PRMT8: variants seen among roughly 807,000 people sequenced by gnomAD.
PRMT8 encodes protein arginine N-methyltransferase 8.
PRMT8 carries 7 observed loss-of-function variants against 47.1 expected under a neutral mutation model. That is an observed-to-expected ratio of 0.15 (90% CI 0.08 to 0.28). The LOEUF is 0.28. Ranked by LOEUF, PRMT8 falls within the 10% of genes least tolerant of loss-of-function variation. The pLI is 1.00. For missense variants in PRMT8, 237 were observed against 505.4 expected, an observed-to-expected ratio of 0.47 and a Z score of 5.09; for synonymous variants, 188 against 186.5, an observed-to-expected ratio of 1.01 and a Z score of -0.07.
At chr12:3,394,380 G>A (rs1269832544) in intron 1 of PRMT8, among the ~76,000 whole-genome samples, 13 of 151,914 alleles carry the variant, frequency 8.6e-5, no homozygotes, top group African/African-American at 2.2e-4. Flanking sequence ...TTTGAAATAC[G>A]TCCCATCAAT....
chr12:3,521,598 CG>C (rs1315814963), intron 1 of PRMT8, among the ~76,000 whole-genome samples: 2 of 152,096 alleles, frequency 1.3e-5, no homozygotes, highest in East Asian at 3.9e-4. Context: ...ACAAGAATTA[CG>C]GGTGTACGGG....
At chr12:3,540,991 G>A (rs1012107233) in intron 2 of PRMT8, among the ~76,000 whole-genome samples, 200 bp downstream of exon 2, 7 of 152,158 alleles carry the variant, frequency 4.6e-5, no homozygotes, top group Non-Finnish European at 7.4e-5. Context: ...GGGAGCAGGT[G>A]AAAGTGTGTG....
rs186869181 is a variant in PRMT8, at chr12:3,413,137, T to G, written c.48+31695T>G. ...CTAGTCCAAGGGTAGGCCACCTTAA[T>G]TCAGCCAAGAATTGGCTGAATTGTT... On this transcript the variant is annotated intron_variant, in intron 1 of 9. Transcript: ENST00000452611. 2.0e-5 allele frequency among the ~76,000 whole-genome samples: 3 copies of G among 152,298 alleles called. No individual in the cohort carries two copies. In the East Asian group the frequency reaches 5.8e-4, roughly 29 times the overall value.
chr12:3,568,629 C>G, intron 4 of PRMT8, 77 bp from the exon 5 acceptor site: 1 of 1,542,286 alleles, frequency 6.5e-7, no homozygotes. Context: ...ACCTGGAGAT[C>G]TGGCCCTGAA....
intron 1 of PRMT8, among the ~76,000 whole-genome samples, chr12:3,425,309 G>A (rs183169612): frequency 2.0e-4 from 30 of 152,344 alleles, no homozygotes; most frequent in African/African-American, 6.0e-4. Flanking sequence ...TAGCTTATCC[G>A]CTTCTTGTGC....
chr12:3,537,013 A>G (rs1866129242), intron 1 of PRMT8, among the ~76,000 whole-genome samples: 1 of 152,226 alleles, frequency 6.6e-6, no homozygotes, highest in Non-Finnish European at 1.5e-5. Flanking sequence ...TTCTCTTCTT[A>G]TGGTAAAGTC....
intron 8 of PRMT8, among the ~76,000 whole-genome samples, chr12:3,590,919 A>G (rs966345062): frequency 1.3e-5 from 2 of 152,142 alleles, no homozygotes; most frequent in Non-Finnish European, 2.9e-5. Flanking sequence ...CTTGCAGTCC[A>G]TGGAGGATGC....
At chr12:3,435,495 C>T (rs2006662) in intron 1 of PRMT8, among the ~76,000 whole-genome samples, 102,608 of 150,564 alleles carry the variant, frequency 0.68, 38,113 homozygotes, top group East Asian at 0.92. Context: ...GAAATGACAA[C>T]GTCATGTTTT....
In PRMT8 at chr12:3,433,824, C is replaced by A. The variant is rs146578741; in HGVS notation, c.48+52382C>A. ...ATGGGGTTTTGCCGTGTTGGCCAGG[C>A]TGGTCTCGAACTCAGGTGATCCACC... On this transcript the variant is annotated intron_variant, in intron 1 of 9. Coordinates refer to the PRMT8 transcript ENST00000452611. Among the ~76,000 whole-genome samples the A allele has an allele frequency of 6.0e-3, 913 of 152,232 alleles. 14 individuals are homozygous for A. Among genetic ancestry groups the A allele is most frequent in the African/African-American group, 0.021 (879 of 41,552 alleles).
intron 1 of PRMT8, among the ~76,000 whole-genome samples, chr12:3,475,556 G>T (rs1865203610): frequency 6.6e-6 from 1 of 152,238 alleles, no homozygotes; most frequent in Non-Finnish European, 1.5e-5. Flanking sequence ...TGGCTCACCA[G>T]CCCTCTGTCC....
chr12:3,561,574 C>A (rs989079382), intron 4 of PRMT8, among the ~76,000 whole-genome samples: 5 of 152,160 alleles, frequency 3.3e-5, no homozygotes, highest in Non-Finnish European at 7.3e-5. Flanking sequence ...AGGGTGGAAG[C>A]TCCTACAGGC....
chr12:3,385,097 T>C (rs917798884), intron 1 of PRMT8, among the ~76,000 whole-genome samples: 2 of 152,258 alleles, frequency 1.3e-5, no homozygotes, highest in Non-Finnish European at 2.9e-5. Flanking sequence ...CCCAATTATC[T>C]GCTTTTATTT....
At chr12:3,412,621 C>CT (rs1046509975) in intron 1 of PRMT8, among the ~76,000 whole-genome samples, 5 of 151,938 alleles carry the variant, frequency 3.3e-5, no homozygotes, top group East Asian at 1.9e-4. Context: ...AATTCTCTCT[C>CT]TTTTTTTTAC....
intron 1 of PRMT8, among the ~76,000 whole-genome samples, chr12:3,398,268 G>A (rs1029067889): frequency 6.6e-6 from 1 of 152,192 alleles, no homozygotes; most frequent in African/African-American, 2.4e-5. Flanking sequence ...TAATGGGGGG[G>A]CCTTTGCAGG....
chr12:3,446,177 G>C (rs970145712), intron 1 of PRMT8, among the ~76,000 whole-genome samples: 1 of 152,158 alleles, frequency 6.6e-6, no homozygotes, highest in African/African-American at 2.4e-5. Flanking sequence ...TGGCAAGAGG[G>C]GTTTAAGGCC....
rs1009889542 is a variant in PRMT8, at chr12:3,557,053, A to G, written c.481+3339A>G. Among the ~76,000 whole-genome samples, 1 of 152,170 alleles carries G rather than the reference A, an allele frequency of 6.6e-6. No homozygotes were observed. Among genetic ancestry groups the G allele is most frequent in the Non-Finnish European group, 1.5e-5 (1 of 68,014 alleles). Reference sequence around the variant, plus strand: ...TCATTTGCTTAGTGAAGAATGAGACAGTTGCATGCCAAAAAGAGAGAAGGT... The same window carrying G: ...TCATTTGCTTAGTGAAGAATGAGACGGTTGCATGCCAAAAAGAGAGAAGGT... On this transcript the variant is annotated intron_variant, in intron 4 of 9. Transcript: ENST00000382622. The surrounding 1 kb of genome is among the most constrained non-coding windows in gnomAD (Gnocchi z 4.7).
chr12:3,467,014 G>T (rs1192229278), intron 1 of PRMT8, among the ~76,000 whole-genome samples: 1 of 152,020 alleles, frequency 6.6e-6, no homozygotes, highest in African/African-American at 2.4e-5. Context: ...GAGGCGGGTG[G>T]ATCACGAGGT....
At chr12:3,491,161 C>T, upstream of PRMT8, 1 of 986,714 alleles carries the variant, frequency 1.0e-6, no homozygotes, top group Non-Finnish European at 1.2e-6. Flanking sequence ...CGCCCCCACT[C>T]ACCCGGCTCA....
At chr12:3,455,745 T>C (rs994445482) in intron 1 of PRMT8, among the ~76,000 whole-genome samples, 4 of 152,132 alleles carry the variant, frequency 2.6e-5, no homozygotes, top group Admixed American at 2.6e-4. Flanking sequence ...GCTCTCTTAA[T>C]TGCTCTTTGA....
Sources: gnomAD v4.1 joint callset for allele counts (sites outside exome capture counted in the v4.1 genomes callset) on GRCh38, gnomAD v4.1.1 for gene constraint, Gnocchi (gnomAD v3.1) non-coding constraint, MANE v1.5 for transcripts, NCBI Gene and HGNC (gene_info 2026-07-23, HGNC 2026-07-21) for gene names.